TPM3: variants seen among roughly 807,000 people sequenced by gnomAD.
TPM3 encodes the protein tropomyosin 3.
In TPM3, 16 loss-of-function variants were observed where a neutral mutation model predicts 43.1. That is an observed-to-expected ratio of 0.37 (90% CI 0.25 to 0.56). The LOEUF is 0.56. TPM3 is among the 20% of genes least tolerant of loss of function. TPM3 has a pLI of 0.77. For synonymous variants in TPM3, 101 were observed against 116.9 expected (o/e 0.86, Z 0.88); for missense variants, 176 against 337.2 (o/e 0.52, Z 3.74).
In TPM3 at chr1:154,173,302, T is replaced by C; in HGVS notation, c.378-101A>G. 3 of 914,288 alleles carry C rather than the reference T, an allele frequency of 3.3e-6. No individual in the cohort carries two copies. The South Asian group carries it at 4.0e-5, about 12-fold the overall frequency. The allele number at this position is 914,288 out of a possible 1,614,324, so 56.6% of individuals were successfully genotyped here. ...CTGTACTTTTAAAAGCCCACTCCTC[T>C]CTGTCTGCCCCTCAAATGGAAATTC... On this transcript the variant is annotated intron_variant, in intron 3 of 9. Coordinates refer to ENST00000651641, the MANE Select transcript of TPM3 (RefSeq NM_152263.4).
At chr1:154,158,299 G>A (rs985707501), downstream of TPM3, among the ~76,000 whole-genome samples, 3 of 152,218 alleles carry the variant, frequency 2.0e-5, no homozygotes, top group Non-Finnish European at 4.4e-5. Context: ...CAAACCTTGA[G>A]ATTGCTGCAG....
At chr1:154,174,655 T>G (rs1250034282) in intron 3 of TPM3, among the ~76,000 whole-genome samples, 2 of 150,414 alleles carry the variant, frequency 1.3e-5, no homozygotes, top group East Asian at 2.0e-4. Context: ...CCACCACGCC[T>G]GGCTAATTTT....
In TPM3 at chr1:154,170,382, C is replaced by G; in HGVS notation, c.775+18G>C. ...CCTCTATATTTCTCTATTTCAATCCCTACTCCAGGTTCCATACCTTCCAGG... is the reference window on the plus strand; with the variant it reads ...CCTCTATATTTCTCTATTTCAATCCGTACTCCAGGTTCCATACCTTCCAGG... On this transcript the variant is annotated intron_variant, in intron 8 of 9. Transcript: ENST00000651641. The G allele has an allele frequency of 6.2e-7, 1 of 1,613,762 alleles. No homozygotes were observed. The highest frequency in any genetic ancestry group is 8.5e-7 in the Non-Finnish European group (1 of 1,179,678).
At chr1:154,184,195 G>A (rs1448055152) in intron 2 of TPM3, among the ~76,000 whole-genome samples, 4 of 151,810 alleles carry the variant, frequency 2.6e-5, no homozygotes, top group Non-Finnish European at 5.9e-5. Flanking sequence ...CACCACGCCC[G>A]GCTAATTTTT....
chr1:154,170,096 A>G, intron 8 of TPM3: 1 of 385,360 alleles, frequency 2.6e-6, no homozygotes, highest in Non-Finnish European at 4.8e-6. Flanking sequence ...ATTTAAACCC[A>G]CAGACTAAAG....
intron 8 of TPM3, 112 bp downstream of exon 8, chr1:154,170,288 T>A: frequency 8.5e-7 from 1 of 1,175,762 alleles, no homozygotes; most frequent in Non-Finnish European, 1.3e-6. Flanking sequence ...ATGATATTAA[T>A]ACATGCCAAG....
chr1:154,172,079 T>C, intron 5 of TPM3: 1 of 1,614,180 alleles, frequency 6.2e-7, no homozygotes, highest in Non-Finnish European at 8.5e-7. Context: ...ATCAGTCTAA[T>C]CTGCTCATCC....
intron 2 of TPM3, among the ~76,000 whole-genome samples, chr1:154,179,355 G>A (rs1402006628): frequency 1.3e-5 from 2 of 152,088 alleles, no homozygotes; most frequent in East Asian, 1.9e-4. Context: ...CTAGTACTGG[G>A]GAAAGAGAAA....
In TPM3 at chr1:154,166,912, A is replaced by C. The variant is rs1427132758; in HGVS notation, c.*1025T>G. ...TGGCCGAGCTGGTCTCGAACTCATG[A>C]CCTCAGGTGATCCACCTGCCCCAGC... On this transcript the variant is annotated 3_prime_UTR_variant, in exon 10 of 10. Coordinates refer to ENST00000651641, the MANE Select transcript of TPM3 (RefSeq NM_152263.4). Among the ~76,000 whole-genome samples the C allele has an allele frequency of 6.6e-6, 1 of 152,136 alleles. No individual in the cohort carries two copies. The highest frequency in any genetic ancestry group is 2.4e-5 in the African/African-American group (1 of 41,412).
At chr1:154,157,644 T>G, downstream of TPM3, 1 of 779,052 alleles carries the variant, frequency 1.3e-6, no homozygotes, top group Non-Finnish European at 2.4e-6. Context: ...GCGTTCTACA[T>G]CTCATTCAGG....
downstream of TPM3, chr1:154,155,474 C>T (rs1659703811): frequency 4.2e-6 from 1 of 238,876 alleles, no homozygotes; most frequent in Admixed American, 5.3e-5. Flanking sequence ...GGATAAACAG[C>T]TCGACTTTGT....
chr1:154,181,895 T>A (rs1230010428), intron 2 of TPM3, among the ~76,000 whole-genome samples: 1 of 152,106 alleles, frequency 6.6e-6, no homozygotes, highest in Non-Finnish European at 1.5e-5. Context: ...CACTCCAGCC[T>A]GAGCGACAGA....
intron 2 of TPM3, chr1:154,183,950 C>G (rs552849717): frequency 1.3e-5 from 2 of 148,542 alleles, no homozygotes; most frequent in Admixed American, 6.9e-5. Flanking sequence ...GCTTCGAACT[C>G]CTGGGCTCAA....
chr1:154,172,881 A>G, intron 5 of TPM3, 27 bp downstream of exon 5: 1 of 1,614,008 alleles, frequency 6.2e-7, no homozygotes, highest in Non-Finnish European at 8.5e-7. Flanking sequence ...ATTGGTAATG[A>G]CAAGATTTGG....
chr1:154,159,710 TG>T (rs1219535143), downstream of TPM3, among the ~76,000 whole-genome samples: 2 of 152,228 alleles, frequency 1.3e-5, no homozygotes, highest in African/African-American at 2.4e-5. Context: ...ACTATCCTGT[TG>T]TTTTTCAGCC....
chr1:154,174,446 A>G (rs1224539716), intron 3 of TPM3, among the ~76,000 whole-genome samples: 1 of 135,360 alleles, frequency 7.4e-6, no homozygotes, highest in Non-Finnish European at 1.6e-5. Flanking sequence ...CAAAGTAATA[A>G]TATACTAGAC....
Position 154,169,338 on chromosome 1 carries a change from T to G in TPM3, c.821A>C (p.Glu274Ala), listed in dbSNP as rs1255393670. The stretch of plus-strand genomic sequence containing the variant: ...CATGTCATTGAGGGCGTGGTCCAGC[T>G]CCTCGCTAATGGCCTTGTACTTCAG... Reference protein sequence around the residue: ...QKLKYKAISEELDHALNDMTS... With the variant: ...QKLKYKAISEALDHALNDMTS... Residue 274 changes from glutamate (E) to alanine (A), a missense_variant, in exon 9 of 10, where the codon GAG (glutamate) becomes GCG (alanine). Glu to Ala is a moderately radical substitution (Grantham distance 107). This residue lies in a region of TPM3 where 26 missense variants were observed against 21.8 expected (regional missense o/e 1.19). Coordinates refer to ENST00000651641, the MANE Select transcript of TPM3 (RefSeq NM_152263.4). The G allele has an allele frequency of 6.2e-7, 1 of 1,614,168 alleles. No homozygotes were observed. Among genetic ancestry groups the G allele is most frequent in the Admixed American group, 1.7e-5 (1 of 60,000 alleles).
chr1:154,158,096 T>C (rs1315664304), downstream of TPM3, among the ~76,000 whole-genome samples: 4 of 152,146 alleles, frequency 2.6e-5, no homozygotes, highest in African/African-American at 9.7e-5. Context: ...AGTTTGAACA[T>C]TGCAAACAAT....
chr1:154,191,447 C>T, intron 1 of TPM3, 136 bp from the exon 2 acceptor site: 3 of 1,475,822 alleles, frequency 2.0e-6, no homozygotes, highest in Non-Finnish European at 2.8e-6. Flanking sequence ...CCAGCCACTT[C>T]CAGCCCACTG....
Sources: allele counts gnomAD v4.1 joint callset (sites outside exome capture counted in the v4.1 genomes callset), GRCh38; gene constraint gnomAD v4.1.1; regional missense constraint gnomAD v4.1.1; transcripts MANE v1.5; gene names NCBI Gene and HGNC (gene_info 2026-07-23, HGNC 2026-07-21).